The following RICTOR variants were observed in gnomAD, a reference collection of about 807,000 sequenced individuals.
RICTOR encodes the protein rapamycin-insensitive companion of mTOR.
RICTOR carries 49 observed loss-of-function variants against 214.9 expected under a neutral mutation model. The ratio of observed to expected loss-of-function variants is 0.23; its 90% confidence interval spans 0.18 to 0.29. RICTOR has a LOEUF of 0.29. RICTOR is among the 10% of genes least tolerant of loss of function. RICTOR has a pLI of 1.00. For missense variants in RICTOR, 1,625 were observed against 2,047.0 expected, an observed-to-expected ratio of 0.79 and a Z score of 3.98; for synonymous variants, 717 against 711.3, an observed-to-expected ratio of 1.01 and a Z score of -0.13.
chr5:39,028,496 A>T (rs959402450), intron 2 of RICTOR, among the ~76,000 whole-genome samples: 2 of 152,140 alleles, frequency 1.3e-5, no homozygotes, highest in East Asian at 1.9e-4. Flanking sequence ...ATTCTTACAC[A>T]CTGTTGGAGG....
At chr5:39,021,324 C>A (rs111773607) in intron 2 of RICTOR, among the ~76,000 whole-genome samples, 188 bp from the exon 3 acceptor site, 1 of 152,160 alleles carries the variant, frequency 6.6e-6, no homozygotes, top group Non-Finnish European at 1.5e-5. Context: ...CATCTCTACT[C>A]CCCTGTACCC....
chr5:38,961,268 T>C (rs1158123582), intron 19 of RICTOR, among the ~76,000 whole-genome samples: 2 of 152,150 alleles, frequency 1.3e-5, no homozygotes, highest in Non-Finnish European at 2.9e-5. Flanking sequence ...AAAAATTTGA[T>C]AAATGAGGAT....
intron 8 of RICTOR, among the ~76,000 whole-genome samples, chr5:38,980,551 A>G (rs1751632292): frequency 6.6e-6 from 1 of 152,156 alleles, no homozygotes; most frequent in Non-Finnish European, 1.5e-5. Context: ...ATATAGGAAT[A>G]AAAACTCAGC....
At chr5:39,022,603 C>A (rs1247963633) in intron 2 of RICTOR, 1 of 152,838 alleles carries the variant, frequency 6.5e-6, no homozygotes, top group East Asian at 1.9e-4. Flanking sequence ...GAACCATTCA[C>A]TATTACCTGG....
chr5:39,002,168 G>GAA (rs1753680188), intron 5 of RICTOR, among the ~76,000 whole-genome samples: 1 of 26,710 alleles, frequency 3.7e-5, no homozygotes, highest in African/African-American at 1.4e-4. Context: ...ATGTTACACA[G>GAA]CAAAAAAAAA....
At chr5:39,046,347 G>C (rs1757498394) in intron 2 of RICTOR, among the ~76,000 whole-genome samples, 1 of 138,162 alleles carries the variant, frequency 7.2e-6, no homozygotes, top group Admixed American at 7.4e-5. Context: ...CTGGGTAACA[G>C]AACAAGACCC....
intron 8 of RICTOR, among the ~76,000 whole-genome samples, chr5:38,979,155 A>G (rs1367371336): frequency 1.3e-5 from 2 of 152,174 alleles, no homozygotes; most frequent in African/African-American, 4.8e-5. Flanking sequence ...TCATTACTTT[A>G]GTACTTAAGA....
chr5:38,967,981 A>G lies in RICTOR; in HGVS notation c.1022T>C (p.Val341Ala). Residue 341 changes from valine (V) to alanine (A), a missense_variant, in exon 12 of 38, where the codon GTT (valine) becomes GCT (alanine). Transcript: ENST00000357387. ...TGCTTCTATGAACTCCTCAGTCACA[A>G]CAGGTAGAGGAAGACGAAATATATC... ...LYDIFRLPLP[V>A]VTEEFIEALL... The G allele has an allele frequency of 1.2e-6, 2 of 1,607,458 alleles. No individual in the cohort carries two copies. Among genetic ancestry groups the G allele is most frequent in the East Asian group, 2.2e-5 (1 of 44,752 alleles).
intron 2 of RICTOR, among the ~76,000 whole-genome samples, chr5:39,060,392 C>T (rs1758462330): frequency 6.6e-6 from 1 of 151,604 alleles, no homozygotes. Flanking sequence ...TTCTACAGCA[C>T]AATAAAAGTA....
intron 2 of RICTOR, among the ~76,000 whole-genome samples, chr5:39,062,561 A>G (rs1258064583): frequency 3.3e-5 from 5 of 152,170 alleles, no homozygotes; most frequent in Non-Finnish European, 7.4e-5. Context: ...GGAAATAAAT[A>G]GCAATACTAT....
At chr5:39,045,335 T>A (rs767339400) in intron 2 of RICTOR, among the ~76,000 whole-genome samples, 1 of 152,196 alleles carries the variant, frequency 6.6e-6, no homozygotes, top group Non-Finnish European at 1.5e-5. Flanking sequence ...CAACAAGATA[T>A]GAAATAATTT....
chr5:38,959,659 A>C (rs2150016787), intron 21 of RICTOR, 120 bp downstream of exon 21: 1 of 650,372 alleles, frequency 1.5e-6, no homozygotes. Context: ...AGCAAAGATA[A>C]TGCTAATTTA....
intron 15 of RICTOR, among the ~76,000 whole-genome samples, chr5:38,965,203 T>C (rs367807800): frequency 1.3e-5 from 2 of 152,126 alleles, no homozygotes; most frequent in East Asian, 3.9e-4. Context: ...GAAGGGATTA[T>C]ATGTCAAAAC....
intron 15 of RICTOR, among the ~76,000 whole-genome samples, chr5:38,966,090 T>C (rs1750187329): frequency 6.6e-6 from 1 of 151,806 alleles, no homozygotes. Flanking sequence ...AATCACAAAA[T>C]CATGGTGAAA....
At chr5:38,990,648 G>GATATATATCAGATATATCAC (rs773521918) in intron 7 of RICTOR, among the ~76,000 whole-genome samples, 4 of 48,030 alleles carry the variant, frequency 8.3e-5, no homozygotes, top group East Asian at 7.0e-4. Flanking sequence ...ACATATATCA[G>GATATATATCAGATATATCAC]ATATATGATA....
chr5:39,062,320 A>C (rs78716944), intron 2 of RICTOR, among the ~76,000 whole-genome samples: 5,133 of 152,206 alleles, frequency 0.034, 147 homozygotes, highest in South Asian at 0.082. Context: ...CACATGGCTA[A>C]ATGTTAAGAG....
At chr5:39,051,268 TGTTCTTAGAGTTTTCATCTA>T (rs2150187332) in intron 2 of RICTOR, among the ~76,000 whole-genome samples, 1 of 152,344 alleles carries the variant, frequency 6.6e-6, no homozygotes, top group African/African-American at 2.4e-5. Flanking sequence ...TATTAACACT[TGTTCTTAGAGTTTTCATCTA>T]AGCATTTGCC....
At chr5:38,947,728 G>GT (rs1204436945) in intron 31 of RICTOR, among the ~76,000 whole-genome samples, 2 of 152,002 alleles carry the variant, frequency 1.3e-5, no homozygotes, top group African/African-American at 4.8e-5. Context: ...ACATCTAGAA[G>GT]TAAAAAAAGA....
intron 7 of RICTOR, among the ~76,000 whole-genome samples, chr5:38,989,734 C>A (rs1410969785): frequency 1.3e-5 from 2 of 152,004 alleles, no homozygotes; most frequent in Admixed American, 6.6e-5. Context: ...ATGTGGCCAA[C>A]AAACATATGA....
Sources: allele counts gnomAD v4.1 joint callset (sites outside exome capture counted in the v4.1 genomes callset), GRCh38; gene constraint gnomAD v4.1.1; transcripts MANE v1.5; gene names NCBI Gene and HGNC (gene_info 2026-07-23, HGNC 2026-07-21).